PCDHGB6: variants seen among roughly 807,000 people sequenced by gnomAD.
The protein encoded by PCDHGB6 is protocadherin gamma subfamily B, 6.
A neutral mutation model predicts 59.1 loss-of-function variants in PCDHGB6; 51 were observed. The ratio of observed to expected loss-of-function variants is 0.86; its 90% CI spans 0.69 to 1.09. PCDHGB6 has a LOEUF of 1.09. Among genes scored for constraint, PCDHGB6 ranks in the 50% least tolerant of loss-of-function variants. PCDHGB6 has a pLI of 0.00. For missense variants in PCDHGB6, 1,148 were observed against 1,205.1 expected (o/e 0.95, Z 0.70); for synonymous variants, 466 against 495.1 (o/e 0.94, Z 0.78).
chr5:141,498,960 G>GGAGA (rs1381042115), intron 2 of PCDHGB6, among the ~76,000 whole-genome samples: 9 of 118,744 alleles, frequency 7.6e-5, no homozygotes, highest in African/African-American at 2.8e-4. Context: ...AGAGAGAGAG[G>GGAGA]GAGGGAGGGA....
At chr5:141,437,668 G>A (rs72790049) in intron 1 of PCDHGB6, among the ~76,000 whole-genome samples, 16,651 of 151,822 alleles carry the variant, frequency 0.11, 1,007 homozygotes, top group African/African-American at 0.17. Context: ...TCGAAGAGAT[G>A]TTGATCAAAC....
intron 1 of PCDHGB6, among the ~76,000 whole-genome samples, chr5:141,474,294 G>A (rs535055214): frequency 1.3e-5 from 2 of 152,296 alleles, no homozygotes; most frequent in African/African-American, 4.8e-5. Context: ...CTAGATCAGT[G>A]CTTGTCAAAC....
intron 1 of PCDHGB6, chr5:141,433,315 TCCGGTGTAACAGGGACTA>T: frequency 1.2e-6 from 1 of 856,086 alleles, no homozygotes; most frequent in Non-Finnish European, 1.8e-6. Flanking sequence ...CACCTTTGCC[TCCGGTGTAACAGGGACTA>T]CAGGTGCAAG....
At chr5:141,429,105 C>G (rs936114624) in intron 1 of PCDHGB6, 1 of 152,318 alleles carries the variant, frequency 6.6e-6, no homozygotes, top group Non-Finnish European at 1.5e-5. Flanking sequence ...CTGCCCGCCT[C>G]GGCCTCCCAA....
chr5:141,487,475 C>A lies in PCDHGB6; in HGVS notation c.2419-7332C>A. 6.2e-7 allele frequency: 1 copy of A among 1,614,156 alleles called. No individual in the cohort carries two copies. The highest frequency in any genetic ancestry group is 8.5e-7 in the Non-Finnish European group (1 of 1,180,032). On this transcript the variant is annotated intron_variant, in intron 1 of 3. Transcript: ENST00000520790. This position sits in a 1 kb window ranked among gnomAD's most constrained non-coding sequence, Gnocchi z 5.0. ...TATCAAGTTTGTTGATGTGGGAGGC[C>A]ACTCTCATGGCTGTACACCCTTGGC...
chr5:141,419,894 C>T (rs1590201850), intron 1 of PCDHGB6: 2 of 1,613,926 alleles, frequency 1.2e-6, no homozygotes, highest in East Asian at 2.2e-5. Flanking sequence ...CAGCGACCAT[C>T]CCACACCCTC....
At position 141,409,786 on chromosome 5, in the gene PCDHGB6, C is replaced by A; in HGVS notation, c.1584C>A (p.Phe528Leu). The A allele has an allele frequency of 6.8e-6, 11 of 1,612,124 alleles. No homozygotes were observed. The highest frequency in any genetic ancestry group is 9.3e-6 in the Non-Finnish European group (11 of 1,179,430). ...RAFDHEQLRA[F>L]ALTLQARDHG... Reference sequence around the variant, plus strand: ...TTGATCACGAGCAGCTGCGCGCCTTCGCGCTCACGCTGCAGGCCCGCGACC... The same window carrying A: ...TTGATCACGAGCAGCTGCGCGCCTTAGCGCTCACGCTGCAGGCCCGCGACC... The change falls in exon 1 of 4, where the codon TTC becomes TTA. Residue 528 changes from phenylalanine to leucine, a missense_variant. Phe to Leu is a conservative substitution (Grantham distance 22, BLOSUM62 0). Around this residue, in one of 5 missense-constraint regions of PCDHGB6, gnomAD observed 549 missense variants for 527.5 expected, o/e 1.04. Coordinates refer to ENST00000520790, the MANE Select transcript of PCDHGB6 (RefSeq NM_018926.3).
At chr5:141,483,907 C>A (rs545585133) in intron 1 of PCDHGB6, among the ~76,000 whole-genome samples, 1 of 151,240 alleles carries the variant, frequency 6.6e-6, no homozygotes, top group East Asian at 1.9e-4. Context: ...TGGTGTGTTT[C>A]CCACTCAGAT....
chr5:141,460,511 AT>A (rs937107682), intron 1 of PCDHGB6, among the ~76,000 whole-genome samples: 2 of 152,168 alleles, frequency 1.3e-5, no homozygotes, highest in African/African-American at 4.8e-5. Flanking sequence ...TGAGAAGGCT[AT>A]CTTTTCCCCA....
At chr5:141,437,862 C>T (rs535370570) in intron 1 of PCDHGB6, among the ~76,000 whole-genome samples, 5 of 152,002 alleles carry the variant, frequency 3.3e-5, no homozygotes, top group African/African-American at 9.6e-5. Context: ...CTTAGCCTCC[C>T]GAGTAGCTGG....
At chr5:141,418,357 G>T (rs375883635) in intron 1 of PCDHGB6, 2 of 1,613,864 alleles carry the variant, frequency 1.2e-6, no homozygotes, top group African/African-American at 2.7e-5. Flanking sequence ...GTATGAATTC[G>T]CTGAGCAAAT....
chr5:141,423,078 C>T (rs752144906), intron 1 of PCDHGB6: 2 of 1,614,108 alleles, frequency 1.2e-6, no homozygotes, highest in Non-Finnish European at 1.7e-6. Context: ...AGCCGGGACT[C>T]TTCGCGGTGG....
At chr5:141,411,302 G>T (rs1165336405) in intron 1 of PCDHGB6, 1 of 152,134 alleles carries the variant, frequency 6.6e-6, no homozygotes, top group Admixed American at 6.6e-5. Context: ...AGGCCCAGTG[G>T]CTCACACCTA....
chr5:141,485,958 T>C lies in PCDHGB6; in HGVS notation c.2419-8849T>C. On this transcript the variant is annotated intron_variant, in intron 1 of 3. Transcript: ENST00000520790. The surrounding 1 kb of genome is among the most constrained non-coding windows in gnomAD (Gnocchi z 5.7). ...AGCGCACCAGCGGGCATGGTGCTCATCCAGCTCAATGCCTCAGACCCGGAC... is the reference window on the plus strand; with the variant it reads ...AGCGCACCAGCGGGCATGGTGCTCACCCAGCTCAATGCCTCAGACCCGGAC... 1 of 1,614,190 alleles carries C rather than the reference T, an allele frequency of 6.2e-7. No individual in the cohort carries two copies. The highest frequency in any genetic ancestry group is 8.5e-7 in the Non-Finnish European group (1 of 1,180,032).
Position 141,512,703 on chromosome 5 carries a change from T to C in PCDHGB6, c.*1530T>C. ...TAGCCAGTAGTGTAGTGCGGTGTGC[T>C]TTTACGTGATGGCGGGTGGGCAGCG... On this transcript the variant is annotated 3_prime_UTR_variant, in exon 4 of 4. Coordinates refer to ENST00000520790, the MANE Select transcript of PCDHGB6 (RefSeq NM_018926.3). 1 of 152,958 alleles carries C rather than the reference T, an allele frequency of 6.5e-6. No individual in the cohort carries two copies. Among genetic ancestry groups the C allele is most frequent in the East Asian group, 1.9e-4 (1 of 5,212 alleles). 9.5% of individuals were successfully genotyped at this position (152,958 alleles called of 1,614,324 possible).
intron 1 of PCDHGB6, 84 bp from the exon 2 acceptor site, chr5:141,494,723 C>T: frequency 1.9e-6 from 3 of 1,606,114 alleles, no homozygotes; most frequent in Non-Finnish European, 2.6e-6. Flanking sequence ...TCCCCTCCTT[C>T]TCTCCCGGCC....
intron 1 of PCDHGB6, among the ~76,000 whole-genome samples, chr5:141,483,553 C>G (rs955671854): frequency 2.0e-5 from 3 of 152,230 alleles, no homozygotes; most frequent in Admixed American, 2.0e-4. Context: ...CAGTGCCATT[C>G]ACAGAGACAG....
In PCDHGB6 at chr5:141,409,619, C is replaced by A; in HGVS notation, c.1417C>A (p.Gln473Lys). The change falls in exon 1 of 4, where the codon CAA (glutamine) becomes AAA (lysine). Residue 473 changes from glutamine to lysine, a missense_variant. Coordinates refer to ENST00000520790, the MANE Select transcript of PCDHGB6 (RefSeq NM_018926.3). The stretch of plus-strand genomic sequence containing the variant: ...CAACCCGCCAGGAGCCTCCATTGCG[C>A]AAGTGAGCGCCTCTGACCCGGATTT... ...ENNPPGASIA[Q>K]VSASDPDLGL... The A allele has an allele frequency of 6.2e-7, 1 of 1,613,898 alleles. No individual in the cohort carries two copies. The highest frequency in any genetic ancestry group is 8.5e-7 in the Non-Finnish European group (1 of 1,179,904).
At chr5:141,478,283 T>C (rs755297808) in intron 1 of PCDHGB6, 2 of 1,614,148 alleles carry the variant, frequency 1.2e-6, no homozygotes, top group South Asian at 2.2e-5. Context: ...GTGGAAGCAG[T>C]CTAGAGACCT....
Sources: gnomAD v4.1 joint callset for allele counts (sites outside exome capture counted in the v4.1 genomes callset) on GRCh38, gnomAD v4.1.1 for gene constraint, gnomAD v4.1.1 regional missense constraint, Gnocchi (gnomAD v3.1) non-coding constraint, MANE v1.5 for transcripts, NCBI Gene and HGNC (gene_info 2026-07-23, HGNC 2026-07-21) for gene names.